The following VPS13B variants were observed in gnomAD, a reference collection of about 807,000 sequenced individuals.
The protein encoded by VPS13B is intermembrane lipid transfer protein VPS13B.
VPS13B carries 285 observed loss-of-function variants against 426.4 expected under a neutral mutation model. That is an observed-to-expected ratio of 0.67 (90% CI 0.61 to 0.74). The LOEUF is 0.74. Among genes scored for constraint, VPS13B ranks in the 30% least tolerant of loss-of-function variants. The probability of loss-of-function intolerance (pLI) is 0.00; values close to 1 mark genes in which losing one functional copy is unlikely to be tolerated. For missense variants in VPS13B, 4,537 were observed against 4,782.6 expected, an observed-to-expected ratio of 0.95 and a Z score of 1.51; for synonymous variants, 1,676 against 1,676.4, an observed-to-expected ratio of 1.00 and a Z score of 0.01.
intron 42 of VPS13B, 94 bp downstream of exon 42, chr8:99,779,125 A>T: frequency 8.2e-7 from 1 of 1,214,914 alleles, no homozygotes. Context: ...TTCAACACAA[A>T]CAAAAATGTT....
In VPS13B at chr8:99,442,487, A is replaced by G. The variant is rs200982547; in HGVS notation, c.3297A>G (p.Thr1099=). The change falls in exon 23 of 62, where the codon ACA becomes ACG. Residue 1099 remains threonine (T), a synonymous_variant. Transcript: ENST00000357162. ...STIVSGDIPG[T]VRSWYHGQTS... is the part of the protein sequence containing the mutation. Reference sequence around the variant, plus strand: ...TTGTATCTGGTGACATTCCTGGAACAGTAAGAAGTTGGTACCATGGACAAA... The same window carrying G: ...TTGTATCTGGTGACATTCCTGGAACGGTAAGAAGTTGGTACCATGGACAAA... 1 of 1,613,900 alleles carries G rather than the reference A, an allele frequency of 6.2e-7. No homozygotes were observed. Among genetic ancestry groups the G allele is most frequent in the African/African-American group, 1.3e-5 (1 of 74,924 alleles).
chr8:99,027,938 A>T (rs941453219), intron 2 of VPS13B, among the ~76,000 whole-genome samples: 1 of 152,142 alleles, frequency 6.6e-6, no homozygotes, highest in African/African-American at 2.4e-5. Context: ...GGGAGTGGTG[A>T]TGACTCTTAA....
chr8:99,872,813 C>A (rs1276915405), intron 61 of VPS13B, among the ~76,000 whole-genome samples: 1 of 151,234 alleles, frequency 6.6e-6, no homozygotes, highest in African/African-American at 2.5e-5. Flanking sequence ...GGGATGGGGG[C>A]GTGTATCTCC....
intron 17 of VPS13B, among the ~76,000 whole-genome samples, chr8:99,206,796 G>T (rs964250968): frequency 2.6e-5 from 4 of 151,986 alleles, no homozygotes; most frequent in African/African-American, 9.7e-5. Flanking sequence ...AAAAGATTGA[G>T]GTATATTGAT....
At chr8:99,660,090 G>C (rs973369514) in intron 34 of VPS13B, among the ~76,000 whole-genome samples, 1 of 152,156 alleles carries the variant, frequency 6.6e-6, no homozygotes, top group Non-Finnish European at 1.5e-5. Flanking sequence ...TATTCTCACT[G>C]CTTTAAAAAT....
At chr8:99,151,109 A>AT (rs77638301) in intron 14 of VPS13B, among the ~76,000 whole-genome samples, 1 of 151,836 alleles carries the variant, frequency 6.6e-6, no homozygotes, top group African/African-American at 2.4e-5. Context: ...TATTGTTTTG[A>AT]TTTTTTATTT....
chr8:99,593,462 G>A (rs1187394599), intron 33 of VPS13B, among the ~76,000 whole-genome samples: 5 of 152,066 alleles, frequency 3.3e-5, no homozygotes. Context: ...ACTGTTGAGT[G>A]GGAGTATAAA....
chr8:99,234,476 C>T (rs1281642449), intron 17 of VPS13B: 3 of 558,508 alleles, frequency 5.4e-6, no homozygotes, highest in Non-Finnish European at 1.1e-5. Context: ...TCGCCGCCGC[C>T]CCGCCCCGAC....
chr8:99,854,077 T>C lies in VPS13B; in HGVS notation c.10688T>C (p.Leu3563Pro), dbSNP rs776302364. ...ALVNPVKLRK[L>P]VIQPVNLLVS... ...GTGAATCCTGTGAAGTTACGGAAAC[T>C]GGTGATCCAGCCAGTAAATTTGCTC... Residue 3563 changes from leucine to proline, a missense_variant, in exon 56 of 62, where the codon CTG becomes CCG. By Grantham distance (98) the Leu-to-Pro change is moderately conservative. Transcript: ENST00000357162. 1.2e-6 allele frequency: 2 copies of C among 1,613,138 alleles called. No homozygotes were observed. Among genetic ancestry groups the C allele is most frequent in the African/African-American group, 1.3e-5 (1 of 74,846 alleles).
At chr8:99,620,766 G>A (rs1828311236) in intron 33 of VPS13B, among the ~76,000 whole-genome samples, 1 of 151,506 alleles carries the variant, frequency 6.6e-6, no homozygotes, top group Admixed American at 6.6e-5. Flanking sequence ...GAGGTCAGGA[G>A]TTTGAGACCA....
In VPS13B at chr8:99,338,096, G is replaced by A. The variant is rs142134509; in HGVS notation, c.2825-46112G>A. Among the ~76,000 whole-genome samples the A allele has an allele frequency of 3.8e-3, 572 of 152,150 alleles. 7 individuals are homozygous for A. In the East Asian group the frequency reaches 0.04, roughly 11 times the overall value. ...GCCAGTTACCATGGTCTTGTTTGCT[G>A]GGGCTATATACCAAATCTTTGAATC... On this transcript the variant is annotated intron_variant, in intron 19 of 61. Transcript: ENST00000357162.
chr8:99,247,198 T>C (rs1403734423), intron 17 of VPS13B, among the ~76,000 whole-genome samples: 2 of 152,188 alleles, frequency 1.3e-5, no homozygotes, highest in Non-Finnish European at 2.9e-5. Context: ...TAACTCCTTC[T>C]ATTAAAATAG....
chr8:99,736,216 G>C (rs1476720065), intron 39 of VPS13B, among the ~76,000 whole-genome samples: 2 of 152,088 alleles, frequency 1.3e-5, no homozygotes, highest in Non-Finnish European at 2.9e-5. Context: ...TTTTAGGAGG[G>C]GTTATAGGTA....
intron 35 of VPS13B, among the ~76,000 whole-genome samples, chr8:99,674,303 G>A (rs535656269): frequency 9.9e-5 from 15 of 151,910 alleles, no homozygotes; most frequent in South Asian, 2.1e-4. Context: ...ATGTTATGCC[G>A]TCTTGCTGAA....
intron 19 of VPS13B, chr8:99,340,323 T>G (rs1811173317): frequency 1.3e-5 from 4 of 303,814 alleles, no homozygotes; most frequent in Admixed American, 8.2e-5. Flanking sequence ...TTGCCGGGGG[T>G]TTCTAGGTGC....
chr8:99,750,040 A>G (rs1261905545), intron 39 of VPS13B, among the ~76,000 whole-genome samples: 1 of 152,158 alleles, frequency 6.6e-6, no homozygotes, highest in Non-Finnish European at 1.5e-5. Context: ...CTATTTTTTA[A>G]AAAGAGACTT....
At position 99,681,610 on chromosome 8, in the gene VPS13B, G is replaced by A. The variant is rs547500048; in HGVS notation, c.6047-17915G>A. Among the ~76,000 whole-genome samples the A allele has an allele frequency of 2.6e-5, 4 of 152,286 alleles. No homozygotes were observed. The South Asian group carries it at 8.3e-4, about 32-fold the overall frequency. ...GTGAGTCTAGGAGTTTGAGTCTGCA[G>A]TGAGCTAGGATAGTGCCACCACACT... On this transcript the variant is annotated intron_variant, in intron 35 of 61. Coordinates refer to ENST00000357162, the MANE Select transcript of VPS13B (RefSeq NM_152564.5).
At chr8:99,380,124 T>C (rs1224830654) in intron 19 of VPS13B, among the ~76,000 whole-genome samples, 3 of 152,184 alleles carry the variant, frequency 2.0e-5, no homozygotes, top group African/African-American at 7.2e-5. Flanking sequence ...TTACTGTATA[T>C]ATCGTACTAC....
chr8:99,793,573 T>C (rs1166482083), intron 43 of VPS13B, among the ~76,000 whole-genome samples: 3 of 152,106 alleles, frequency 2.0e-5, no homozygotes, highest in Non-Finnish European at 4.4e-5. Context: ...GGATTTATTA[T>C]TGATCATGGA....
Sources: allele counts gnomAD v4.1 joint callset (sites outside exome capture counted in the v4.1 genomes callset), GRCh38; gene constraint gnomAD v4.1.1; transcripts MANE v1.5; gene names NCBI Gene and HGNC (gene_info 2026-07-23, HGNC 2026-07-21).